CKAP5: variants seen among roughly 807,000 people sequenced by gnomAD.
The protein encoded by CKAP5 is cytoskeleton-associated protein 5.
CKAP5 carries 27 observed loss-of-function variants against 232.8 expected under a neutral mutation model. The ratio of observed to expected loss-of-function variants is 0.12; its 90% CI spans 0.09 to 0.16. The LOEUF is 0.16. Among genes scored for constraint, CKAP5 ranks in the 10% least tolerant of loss-of-function variants. The pLI, the probability that CKAP5 is intolerant of heterozygous loss-of-function variation, is 1.00. For missense variants in CKAP5, 1,838 were observed against 2,424.7 expected (o/e 0.76, Z 5.08); for synonymous variants, 785 against 841.1 (o/e 0.93, Z 1.16).
At chr11:46,757,657 G>A (rs1038847733) in intron 35 of CKAP5, among the ~76,000 whole-genome samples, 1 of 148,652 alleles carries the variant, frequency 6.7e-6, no homozygotes, top group African/African-American at 2.5e-5. Flanking sequence ...GCACGATTTC[G>A]GCTCACTGCA....
chr11:46,795,066 C>T (rs1343851670), intron 13 of CKAP5, among the ~76,000 whole-genome samples: 2 of 151,884 alleles, frequency 1.3e-5, no homozygotes, highest in East Asian at 1.9e-4. Context: ...CGGTGGCTCA[C>T]GCCTGTAATC....
intron 8 of CKAP5, among the ~76,000 whole-genome samples, chr11:46,805,224 A>G (rs1304051850): frequency 6.6e-6 from 1 of 152,120 alleles, no homozygotes; most frequent in Non-Finnish European, 1.5e-5. Flanking sequence ...GACAAAGCGC[A>G]ACTCTGTCTC....
intron 36 of CKAP5, among the ~76,000 whole-genome samples, chr11:46,753,836 C>A (rs1357106418): frequency 6.6e-6 from 1 of 152,010 alleles, no homozygotes; most frequent in African/African-American, 2.4e-5. Flanking sequence ...TCGTGATCCA[C>A]CTGCCTTGGC....
At chr11:46,777,406 G>A in intron 23 of CKAP5, 33 bp downstream of exon 23, 1 of 1,377,012 alleles carries the variant, frequency 7.3e-7, no homozygotes, top group Non-Finnish European at 1.0e-6. Context: ...GCCTATTCCA[G>A]AATGGAGGCA....
chr11:46,784,978 AT>A (rs1434721494), intron 16 of CKAP5, among the ~76,000 whole-genome samples: 3 of 152,202 alleles, frequency 2.0e-5, no homozygotes, highest in Non-Finnish European at 2.9e-5. Flanking sequence ...TCTTATGATT[AT>A]TTGCATTTAG....
At chr11:46,777,365 G>A (rs1025786102) in intron 23 of CKAP5, 74 bp downstream of exon 23, 8 of 862,492 alleles carry the variant, frequency 9.3e-6, no homozygotes, top group Non-Finnish European at 1.5e-5. Context: ...ACTCTAAAAA[G>A]AGAATTATCT....
intron 42 of CKAP5, among the ~76,000 whole-genome samples, chr11:46,748,569 T>A (rs2065039090): frequency 6.6e-6 from 1 of 151,918 alleles, no homozygotes; most frequent in Non-Finnish European, 1.5e-5. Context: ...GGTCAGGAGA[T>A]CAAGACCAGC....
Position 46,816,235 on chromosome 11 carries a change from T to A in CKAP5, c.421A>T (p.Ile141Leu). 6.2e-7 allele frequency: 1 copy of A among 1,614,172 alleles called. No individual in the cohort carries two copies. Among genetic ancestry groups the A allele is most frequent in the Non-Finnish European group, 8.5e-7 (1 of 1,180,016 alleles). Residue 141 changes from isoleucine to leucine, a missense_variant, in exon 4 of 44, where the codon ATA becomes TTA. Physicochemically the swap from Ile to Leu is conservative, Grantham distance 5 (BLOSUM62 2). Coordinates refer to ENST00000529230, the MANE Select transcript of CKAP5 (RefSeq NM_001008938.4). ...KGLDNKNPKI[I>L]VACIETLRKA... ...CTCAGTGTCTCTATACAGGCCACTA[T>A]GATCTTGGGATTCTTATTGTCCAAG... is the stretch of plus-strand genomic sequence containing the variant.
intron 35 of CKAP5, chr11:46,758,714 GAAAAAA>G: frequency 1.2e-5 from 4 of 340,824 alleles, no homozygotes; most frequent in Non-Finnish European, 2.1e-5. Context: ...CTCAAAAGAG[GAAAAAA>G]AAAAAAAAAA....
rs1418096207 is a variant in CKAP5 at position 46,778,467 on chromosome 11, C to T, written c.2566G>A (p.Glu856Lys). 6.2e-7 allele frequency: 1 copy of T among 1,614,034 alleles called. No individual in the cohort carries two copies. Among genetic ancestry groups the T allele is most frequent in the Non-Finnish European group, 8.5e-7 (1 of 1,180,020 alleles). Residue 856 changes from glutamate to lysine, a missense_variant, in exon 21 of 44, where the codon GAG (glutamate) becomes AAG (lysine). Physicochemically the swap from Glu to Lys is moderately conservative, Grantham distance 56. Around this residue, in one of 6 missense-constraint regions of CKAP5, gnomAD observed 767 missense variants for 954.6 expected, o/e 0.80. Transcript: ENST00000529230. ...NDVVDLLPRT[E>K]ISDKITSELV... ...TCACAGACTGGAACCTACCTGATCTCCGTCCTCGGCAAAAGATCAACGACA... is the reference window on the plus strand; with the variant it reads ...TCACAGACTGGAACCTACCTGATCTTCGTCCTCGGCAAAAGATCAACGACA...
chr11:46,809,693 G>C, intron 6 of CKAP5, 49 bp downstream of exon 6: 1 of 1,605,408 alleles, frequency 6.2e-7, no homozygotes. Flanking sequence ...TCATGGCAGT[G>C]CCAGTTCTTG....
intron 24 of CKAP5, among the ~76,000 whole-genome samples, chr11:46,773,926 G>A (rs1228957311): frequency 6.6e-5 from 10 of 152,106 alleles, no homozygotes; most frequent in Admixed American, 6.5e-4. Context: ...TACTGAATGG[G>A]CAAAAGCTGG....
chr11:46,795,090 A>C (rs1316027937), intron 13 of CKAP5, among the ~76,000 whole-genome samples: 1 of 152,164 alleles, frequency 6.6e-6, no homozygotes, highest in African/African-American at 2.4e-5. Flanking sequence ...GCACTTTGGG[A>C]GGTCAAGGCG....
intron 24 of CKAP5, among the ~76,000 whole-genome samples, chr11:46,772,662 C>T (rs528040588): frequency 8.5e-5 from 13 of 152,248 alleles, no homozygotes; most frequent in African/African-American, 2.6e-4. Flanking sequence ...TCCACCCCAT[C>T]CTCCTGCTAC....
At chr11:46,788,506 G>A (rs1025413155) in intron 16 of CKAP5, among the ~76,000 whole-genome samples, 175 bp downstream of exon 16, 30 of 152,124 alleles carry the variant, frequency 2.0e-4, no homozygotes, top group African/African-American at 6.8e-4. Flanking sequence ...CCCAGGAGGT[G>A]GAGGTTGTGG....
chr11:46,803,333 A>C (rs954341523), intron 8 of CKAP5, among the ~76,000 whole-genome samples: 4 of 151,768 alleles, frequency 2.6e-5, no homozygotes, highest in Admixed American at 2.0e-4. Flanking sequence ...GTCTGGCTTG[A>C]TCTCAGCTCA....
Position 46,794,643 on chromosome 11 carries a change from G to A in CKAP5, c.1650+951C>T, listed in dbSNP as rs914511960. The stretch of plus-strand genomic sequence containing the variant: ...ACTTGAGGCCAGGAGTTCAAGACTA[G>A]CTTGGGCAACACAGCGAGGCCCTCT... On this transcript the variant is annotated intron_variant, in intron 13 of 43. Transcript: ENST00000529230. Among the ~76,000 whole-genome samples, 5 of 151,608 alleles carry A rather than the reference G, an allele frequency of 3.3e-5. No homozygotes were observed. In the East Asian group the frequency reaches 5.9e-4, roughly 18 times the overall value.
intron 27 of CKAP5, among the ~76,000 whole-genome samples, chr11:46,766,740 T>G (rs2065205558): frequency 6.6e-6 from 1 of 152,216 alleles, no homozygotes; most frequent in Admixed American, 6.5e-5. Context: ...TAATGACAAT[T>G]TACTGTGATT....
At chr11:46,759,647 A>G (rs2065139782) in intron 33 of CKAP5, among the ~76,000 whole-genome samples, 1 of 152,214 alleles carries the variant, frequency 6.6e-6, no homozygotes, top group Admixed American at 6.5e-5. Flanking sequence ...AGGGCAGATA[A>G]CTTTAATTTG....
Sources: gnomAD v4.1 joint callset for allele counts (sites outside exome capture counted in the v4.1 genomes callset) on GRCh38, gnomAD v4.1.1 for gene constraint, gnomAD v4.1.1 regional missense constraint, MANE v1.5 for transcripts, NCBI Gene and HGNC (gene_info 2026-07-23, HGNC 2026-07-21) for gene names.